Variants in CCDC172 observed in about 807,000 individuals in gnomAD.
The protein encoded by CCDC172 is coiled-coil domain containing 172.
CCDC172 carries 30 observed loss-of-function variants against 38.0 expected under a neutral mutation model. That is an observed-to-expected ratio of 0.79 (90% CI 0.59 to 1.07). CCDC172 has a LOEUF of 1.07. Among genes scored for constraint, CCDC172 ranks in the 50% least tolerant of loss-of-function variants. The pLI is 0.00. For synonymous variants in CCDC172, 78 were observed against 88.3 expected, an observed-to-expected ratio of 0.88 and a Z score of 0.66; for missense variants, 297 against 290.1, an observed-to-expected ratio of 1.02 and a Z score of -0.17.
intron 3 of CCDC172, among the ~76,000 whole-genome samples, chr10:116,339,178 A>G (rs1354538500): frequency 2.0e-5 from 3 of 152,124 alleles, no homozygotes; most frequent in Admixed American, 2.0e-4. Context: ...CTCTAGAATT[A>G]TCTTTTCATT....
intron 7 of CCDC172, among the ~76,000 whole-genome samples, chr10:116,368,455 C>T (rs575902246): frequency 6.6e-6 from 1 of 151,900 alleles, no homozygotes; most frequent in African/African-American, 2.4e-5. Context: ...AAAAAAAATT[C>T]TCTACGTACT....
At chr10:116,329,758 C>T (rs138071548) in intron 3 of CCDC172, among the ~76,000 whole-genome samples, 6 of 152,176 alleles carry the variant, frequency 3.9e-5, no homozygotes, top group Admixed American at 6.6e-5. Flanking sequence ...TAACACAAAT[C>T]GAGGTGGTGG....
intron 5 of CCDC172, among the ~76,000 whole-genome samples, chr10:116,351,476 A>G (rs1844929858): frequency 6.6e-6 from 1 of 152,178 alleles, no homozygotes; most frequent in South Asian, 2.1e-4. Context: ...CATCTACTGT[A>G]TATACTACAC....
At chr10:116,356,388 G>GAGGA (rs542807297) in intron 5 of CCDC172, among the ~76,000 whole-genome samples, 186 of 144,168 alleles carry the variant, frequency 1.3e-3, no homozygotes, top group South Asian at 0.012. Context: ...GGGAGGGAGG[G>GAGGA]AGGAAGGAAG....
intron 3 of CCDC172, among the ~76,000 whole-genome samples, chr10:116,332,318 T>A (rs923342703): frequency 6.6e-6 from 1 of 152,194 alleles, no homozygotes; most frequent in Non-Finnish European, 1.5e-5. Flanking sequence ...AAGTCCTTTC[T>A]ACTTTTGCTT....
chr10:116,350,885 T>G (rs537688419), intron 5 of CCDC172, among the ~76,000 whole-genome samples: 1 of 152,232 alleles, frequency 6.6e-6, no homozygotes, highest in Admixed American at 6.5e-5. Context: ...CAATTATACC[T>G]AAATAAAGCT....
chr10:116,335,632 T>A (rs1844720923), intron 3 of CCDC172, among the ~76,000 whole-genome samples: 1 of 152,104 alleles, frequency 6.6e-6, no homozygotes, highest in African/African-American at 2.4e-5. Context: ...AACATCTTTT[T>A]CTGTTTATTC....
chr10:116,367,860 C>T (rs939100425), intron 7 of CCDC172, among the ~76,000 whole-genome samples: 6 of 151,914 alleles, frequency 3.9e-5, no homozygotes, highest in Non-Finnish European at 8.8e-5. Flanking sequence ...CTTCTTATAT[C>T]TAGGAACCAA....
chr10:116,379,642 T>C lies in CCDC172; in HGVS notation c.*284T>C, dbSNP rs79523448. 233 of 260,832 alleles carry C rather than the reference T, an allele frequency of 8.9e-4. 2 individuals are homozygous for C. The highest frequency in any genetic ancestry group is 5.0e-3 in the African/African-American group (226 of 44,992). The allele number at this position is 260,832 out of a possible 1,614,324, so 16.2% of individuals were successfully genotyped here. On this transcript the variant is annotated 3_prime_UTR_variant, in exon 9 of 9. Transcript: ENST00000333254. ...TGTTCCCAGGCTTCTTATATGCCCC[T>C]GAACCTCAAGCTGTCCTATTCTTTC... is the stretch of plus-strand genomic sequence containing the variant.
At chr10:116,345,366 A>G (rs1844852993) in intron 5 of CCDC172, among the ~76,000 whole-genome samples, 1 of 152,224 alleles carries the variant, frequency 6.6e-6, no homozygotes, top group African/African-American at 2.4e-5. Flanking sequence ...CCTAGACACA[A>G]AAGCTAAAAT....
At chr10:116,333,728 G>A (rs1589947387) in intron 3 of CCDC172, among the ~76,000 whole-genome samples, 1 of 152,160 alleles carries the variant, frequency 6.6e-6, no homozygotes, top group African/African-American at 2.4e-5. Flanking sequence ...TCAGATTACT[G>A]TCTCGCTGAG....
chr10:116,367,944 C>T (rs1329026675), intron 7 of CCDC172, among the ~76,000 whole-genome samples: 2 of 152,056 alleles, frequency 1.3e-5, no homozygotes, highest in African/African-American at 4.8e-5. Context: ...ATTAAATTGA[C>T]ACTTTTTCTG....
chr10:116,360,116 T>G (rs1270001896), intron 7 of CCDC172, among the ~76,000 whole-genome samples: 1 of 152,232 alleles, frequency 6.6e-6, no homozygotes, highest in African/African-American at 2.4e-5. Context: ...TAACACACAT[T>G]TAAGCAGCTG....
intron 7 of CCDC172, among the ~76,000 whole-genome samples, chr10:116,366,436 T>C (rs983590353): frequency 6.6e-6 from 1 of 152,220 alleles, no homozygotes; most frequent in Non-Finnish European, 1.5e-5. Flanking sequence ...ATCTAACCTA[T>C]ACATACATGC....
At chr10:116,362,876 C>T (rs2134958202) in intron 7 of CCDC172, among the ~76,000 whole-genome samples, 1 of 152,256 alleles carries the variant, frequency 6.6e-6, no homozygotes, top group Non-Finnish European at 1.5e-5. Flanking sequence ...GATTATGTAG[C>T]CTTCAAGCTA....
In CCDC172 at chr10:116,333,939, G is replaced by T. The variant is rs944917766; in HGVS notation, c.166-6795G>T. ...CTGATGCTGATAGGAAGAATTTCTC[G>T]TGTAGGCTTTGTTGCATATATGGTC... On this transcript the variant is annotated intron_variant, in intron 3 of 8. Coordinates refer to ENST00000333254, the MANE Select transcript of CCDC172 (RefSeq NM_198515.3). Among the ~76,000 whole-genome samples the T allele has an allele frequency of 2.0e-5, 3 of 152,122 alleles. 1 individual carries two copies. Among genetic ancestry groups the T allele is most frequent in the African/African-American group, 7.2e-5 (3 of 41,426 alleles).
At chr10:116,355,076 T>G (rs1300188007) in intron 5 of CCDC172, among the ~76,000 whole-genome samples, 1 of 152,202 alleles carries the variant, frequency 6.6e-6, no homozygotes. Context: ...AAAATATTTT[T>G]AAAGTAGTGT....
intron 7 of CCDC172, among the ~76,000 whole-genome samples, chr10:116,369,164 T>C (rs1001666843): frequency 1.3e-5 from 2 of 152,184 alleles, no homozygotes; most frequent in Admixed American, 1.3e-4. Context: ...GGCTTATTCA[T>C]TTCCATTTGT....
At chr10:116,361,729 C>T (rs2134956565) in intron 7 of CCDC172, among the ~76,000 whole-genome samples, 1 of 152,256 alleles carries the variant, frequency 6.6e-6, no homozygotes, top group East Asian at 1.9e-4. Flanking sequence ...GTGCTGTGAC[C>T]TCTTCAGTGA....
Sources: allele counts gnomAD v4.1 joint callset (sites outside exome capture counted in the v4.1 genomes callset), GRCh38; gene constraint gnomAD v4.1.1; transcripts MANE v1.5; gene names NCBI Gene and HGNC (gene_info 2026-07-23, HGNC 2026-07-21).